MYH11: variants seen among roughly 807,000 people sequenced by gnomAD.
The protein encoded by MYH11 is myosin heavy chain 11, also known as myosin-11.
MYH11 carries 80 observed loss-of-function variants against 246.6 expected under a neutral mutation model. That is an observed-to-expected ratio of 0.32 (90% CI 0.27 to 0.39). The LOEUF (loss-of-function observed/expected upper bound fraction) is 0.39, where lower values mean the gene tolerates loss of function less well. Among genes scored for constraint, MYH11 ranks in the 10% least tolerant of loss-of-function variants. The pLI is 1.00. For synonymous variants in MYH11, 1,071 were observed against 1,015.5 expected, an observed-to-expected ratio of 1.05 and a Z score of -1.04; for missense variants, 2,158 against 2,546.8, an observed-to-expected ratio of 0.85 and a Z score of 3.29.
At chr16:15,830,643 T>G (rs544421057) in intron 2 of MYH11, among the ~76,000 whole-genome samples, 1 of 152,146 alleles carries the variant, frequency 6.6e-6, no homozygotes, top group Non-Finnish European at 1.5e-5. Context: ...TTTGGGAGGC[T>G]GAGGTGGGTG....
At position 15,704,102 on chromosome 16, in the gene MYH11, G is replaced by T. The variant is rs145505544; in HGVS notation, c.5808C>A (p.Phe1936Leu). The T allele has an allele frequency of 1.2e-6, 2 of 1,614,080 alleles. No homozygotes were observed. The highest frequency in any genetic ancestry group is 1.7e-6 in the Non-Finnish European group (2 of 1,180,010). Residue 1936 changes from phenylalanine to leucine, a missense_variant, in exon 41 of 41, where the codon TTC becomes TTA. Phe to Leu is a conservative substitution (Grantham distance 22, BLOSUM62 0). This residue lies in a region of MYH11 where 1,013 missense variants were observed against 993.5 expected (regional missense o/e 1.02). Coordinates refer to ENST00000300036, the MANE Select transcript of MYH11 (RefSeq NM_002474.3). ...GTCCTCCAGACCTTCTAGAAGGAAC[G>T]AAAGAGGTCTCGTTTCCTCGCCTGT... ...SKLRRGNETSFVPSRRSGGRR... is the reference protein window; with the variant it reads ...SKLRRGNETSLVPSRRSGGRR...
intron 1 of MYH11, among the ~76,000 whole-genome samples, chr16:15,846,809 C>T (rs2044201520): frequency 6.6e-6 from 1 of 152,110 alleles, no homozygotes; most frequent in Admixed American, 6.6e-5. Flanking sequence ...CAAAAATTAA[C>T]CGGTTGTGAT....
At chr16:15,725,376 C>CT (rs1404313847) in intron 28 of MYH11, 4 of 541,814 alleles carry the variant, frequency 7.4e-6, no homozygotes, top group Admixed American at 3.6e-5. Flanking sequence ...GGTCCACTCT[C>CT]TAAGGCTGGA....
intron 3 of MYH11, among the ~76,000 whole-genome samples, chr16:15,820,333 G>T (rs185395926): frequency 4.6e-5 from 7 of 152,254 alleles, no homozygotes; most frequent in African/African-American, 1.7e-4. Flanking sequence ...AATTAGCCGG[G>T]TGTGGTGGCA....
intron 1 of MYH11, among the ~76,000 whole-genome samples, chr16:15,851,699 G>A (rs1169070918): frequency 1.3e-5 from 2 of 152,092 alleles, no homozygotes; most frequent in Admixed American, 6.6e-5. Flanking sequence ...TGGTGAACCT[G>A]TCACATTCTT....
chr16:15,703,804 A>G lies in MYH11; in HGVS notation c.*187T>C. 1.3e-6 allele frequency: 1 copy of G among 771,582 alleles called. No individual in the cohort carries two copies. The highest frequency in any genetic ancestry group is 2.2e-6 in the Non-Finnish European group (1 of 459,528). 47.8% of individuals were successfully genotyped at this position (771,582 alleles called of 1,614,324 possible). Reference sequence around the variant, plus strand: ...GGTTTTACTACGTTGCCCAGGCTGGAGGGTGGTGGTTTTTATATTCCTTGT... The same window carrying G: ...GGTTTTACTACGTTGCCCAGGCTGGGGGGTGGTGGTTTTTATATTCCTTGT... On this transcript the variant is annotated 3_prime_UTR_variant, in exon 41 of 41. Transcript: ENST00000300036.
intron 3 of MYH11, among the ~76,000 whole-genome samples, chr16:15,812,551 T>TAAAAAAAAAAAA (rs71134466): frequency 1.6e-4 from 6 of 37,408 alleles, no homozygotes; most frequent in East Asian, 1.3e-3. Context: ...ATCTTATCTC[T>TAAAAAAAAAAAA]AAAAAAAAAA....
At chr16:15,793,076 C>T (rs557616880) in intron 4 of MYH11, among the ~76,000 whole-genome samples, 1 of 152,182 alleles carries the variant, frequency 6.6e-6, no homozygotes, top group Non-Finnish European at 1.5e-5. Flanking sequence ...CTCCCCAGGG[C>T]CTGGAAGCAC....
intron 37 of MYH11, chr16:15,717,710 C>A (rs1483467389): frequency 5.7e-6 from 2 of 352,798 alleles, no homozygotes; most frequent in Non-Finnish European, 1.1e-5. Flanking sequence ...GCAGGAGAAT[C>A]CCTTGAACTT....
At chr16:15,742,031 C>A (rs1567719235) in intron 20 of MYH11, 140 bp from the exon 21 acceptor site, 1 of 1,323,976 alleles carries the variant, frequency 7.6e-7, no homozygotes, top group Non-Finnish European at 1.1e-6. Context: ...GGAGACACTG[C>A]TGATTGTCAC....
intron 40 of MYH11, among the ~76,000 whole-genome samples, chr16:15,707,970 AAAAAAAAAAG>A (rs1463339109): frequency 3.3e-5 from 5 of 151,500 alleles, no homozygotes; most frequent in African/African-American, 9.8e-5. Flanking sequence ...AAAAAAAAAA[AAAAAAAAAAG>A]CAAAATCCCA....
At chr16:15,790,806 C>T (rs1044190797) in intron 4 of MYH11, among the ~76,000 whole-genome samples, 3 of 150,598 alleles carry the variant, frequency 2.0e-5, no homozygotes, top group Non-Finnish European at 4.4e-5. Flanking sequence ...GGAAGAACCA[C>T]CCAATGGCCA....
intron 9 of MYH11, among the ~76,000 whole-genome samples, chr16:15,764,579 T>C (rs563427984): frequency 2.2e-4 from 34 of 152,222 alleles, no homozygotes; most frequent in African/African-American, 7.9e-4. Context: ...ATATAGACCG[T>C]CCATTCAAGA....
chr16:15,760,429 G>T, intron 11 of MYH11, 111 bp downstream of exon 11: 1 of 884,378 alleles, frequency 1.1e-6, no homozygotes, highest in South Asian at 1.3e-5. Context: ...TGCAGAGGCA[G>T]ACCATGGGTG....
intron 27 of MYH11, among the ~76,000 whole-genome samples, chr16:15,728,508 TGTC>T (rs1394367416): frequency 2.6e-5 from 4 of 151,992 alleles, no homozygotes; most frequent in African/African-American, 9.7e-5. Flanking sequence ...CCTTCACAGG[TGTC>T]GTGTGATTGA....
At position 15,818,609 on chromosome 16, in the gene MYH11, T is replaced by C. The variant is rs555145838; in HGVS notation, c.502+4646A>G. Among the ~76,000 whole-genome samples the C allele has an allele frequency of 2.6e-3, 394 of 152,122 alleles. 3 individuals carry two copies. Among genetic ancestry groups the C allele is most frequent in the Non-Finnish European group, 4.3e-3 (292 of 68,004 alleles). ...GCCACTGTGCCTGGCTAGTTTTTTT[T>C]GTATTTTTAGTAGAGACGGAGATTC... On this transcript the variant is annotated intron_variant, in intron 3 of 40. Transcript: ENST00000300036.
At position 15,720,332 on chromosome 16, in the gene MYH11, G is replaced by A; in HGVS notation, c.4792-20C>T. 1 of 1,611,220 alleles carries A rather than the reference G, an allele frequency of 6.2e-7. No individual in the cohort carries two copies. The highest frequency in any genetic ancestry group is 8.5e-7 in the Non-Finnish European group (1 of 1,178,708). ...GTGAAGCTGGGCGAGGAATAGAGAT[G>A]TGTGCTGCCCCACTTGCCCCTGGGA... is the stretch of plus-strand genomic sequence containing the variant. On this transcript the variant is annotated intron_variant, in intron 33 of 40. Transcript: ENST00000300036.
At chr16:15,747,777 T>C (rs753412596) in intron 18 of MYH11, 47 bp from the exon 19 acceptor site, 1 of 1,613,098 alleles carries the variant, frequency 6.2e-7, no homozygotes, top group African/African-American at 1.3e-5. Context: ...ACTGTGCCAT[T>C]TGGCCAGTGA....
At chr16:15,834,997 T>C (rs215586) in intron 2 of MYH11, among the ~76,000 whole-genome samples, 117,932 of 146,816 alleles carry the variant, frequency 0.8, 47,876 homozygotes, top group African/African-American at 0.91. Context: ...GAGAGGATCG[T>C]TTGAATCCAG....
Sources: allele counts gnomAD v4.1 joint callset (sites outside exome capture counted in the v4.1 genomes callset), GRCh38; gene constraint gnomAD v4.1.1; regional missense constraint gnomAD v4.1.1; transcripts MANE v1.5; gene names NCBI Gene and HGNC (gene_info 2026-07-23, HGNC 2026-07-21).